The following MAML2 variants were observed in gnomAD, a reference collection of about 807,000 sequenced individuals.
MAML2 encodes mastermind like transcriptional coactivator 2, also known as mastermind-like protein 2.
A neutral mutation model predicts 96.1 loss-of-function variants in MAML2; 22 were observed. That is an observed-to-expected ratio of 0.23 (90% confidence interval 0.16 to 0.33). The LOEUF is 0.33. MAML2 is among the 10% of genes least tolerant of loss of function. MAML2 has a pLI of 1.00. For missense variants in MAML2, 1,367 were observed against 1,392.4 expected, an observed-to-expected ratio of 0.98 and a Z score of 0.29; for synonymous variants, 561 against 521.3, an observed-to-expected ratio of 1.08 and a Z score of -1.04.
rs1290766962 is a variant in MAML2 at position 95,979,667 on chromosome 11, T to C, written c.2752A>G (p.Asn918Asp). ...MPRPPTLGPS[N>D]NNNVATFGAG... ...CCAAAAGTGGCTACATTGTTATTAT[T>C]ACTTGGCCCTAAGGTAGGTGGCCGT... Residue 918 changes from asparagine (N) to aspartate (D), a missense_variant, in exon 5 of 5, where the codon AAT (asparagine) becomes GAT (aspartate). Transcript: ENST00000524717. 6.8e-6 allele frequency: 11 copies of C among 1,613,882 alleles called. No homozygotes were observed. Among genetic ancestry groups the C allele is most frequent in the Admixed American group, 5.0e-5 (3 of 59,990 alleles).
intron 2 of MAML2, among the ~76,000 whole-genome samples, chr11:96,064,340 G>T (rs1195054819): frequency 6.6e-6 from 1 of 152,106 alleles, no homozygotes; most frequent in African/African-American, 2.4e-5. Context: ...TAAGTTCACT[G>T]GTCATGTCTC....
chr11:95,978,850 G>T lies in MAML2; in HGVS notation c.*98C>A. 1.8e-6 allele frequency: 2 copies of T among 1,086,922 alleles called. No homozygotes were observed. The highest frequency in any genetic ancestry group is 2.6e-6 in the Non-Finnish European group (2 of 776,712). The allele number at this position is 1,086,922 out of a possible 1,614,324, so 67.3% of individuals were successfully genotyped here. A position where few individuals can be genotyped will look rare whatever the true frequency, so the allele number is the denominator to read the frequency against. ...CCATTTTTAAGCATGTTATCTTCAT[G>T]TAGTCCACCTGAACATCAACAGTTC... On this transcript the variant is annotated 3_prime_UTR_variant, in exon 5 of 5. Coordinates refer to ENST00000524717, the MANE Select transcript of MAML2 (RefSeq NM_032427.4).
chr11:96,077,217 C>CTTTTT (rs2086943328), intron 2 of MAML2, among the ~76,000 whole-genome samples: 1 of 38,520 alleles, frequency 2.6e-5, no homozygotes, highest in East Asian at 3.3e-4. Context: ...AACTCTCTCT[C>CTTTTT]TCTTTTTTTT....
intron 1 of MAML2, among the ~76,000 whole-genome samples, chr11:96,137,641 G>A (rs1017766477): frequency 1.3e-5 from 2 of 152,248 alleles, no homozygotes; most frequent in South Asian, 4.1e-4. Context: ...TGACCATTCA[G>A]TCTCCATTTT....
intron 1 of MAML2, among the ~76,000 whole-genome samples, chr11:96,244,528 TA>T (rs1273260016): frequency 6.6e-6 from 1 of 152,258 alleles, no homozygotes; most frequent in Non-Finnish European, 1.5e-5. Flanking sequence ...AAATGGTTTA[TA>T]TGGTTATAGC....
intron 1 of MAML2, among the ~76,000 whole-genome samples, chr11:96,144,832 T>G (rs1860790635): frequency 6.6e-6 from 1 of 152,342 alleles, no homozygotes; most frequent in South Asian, 2.1e-4. Context: ...TGTTTCACTC[T>G]TATACAAATC....
At chr11:96,265,351 A>G (rs762075343) in intron 1 of MAML2, among the ~76,000 whole-genome samples, 1 of 152,148 alleles carries the variant, frequency 6.6e-6, no homozygotes, top group Non-Finnish European at 1.5e-5. Flanking sequence ...CAAGTGAATA[A>G]CTAGAATATG....
chr11:96,087,612 C>T (rs1202041327), intron 2 of MAML2, among the ~76,000 whole-genome samples: 1 of 152,216 alleles, frequency 6.6e-6, no homozygotes, highest in East Asian at 1.9e-4. Flanking sequence ...CCCTTGACCG[C>T]AGGTATGTCA....
At chr11:96,232,368 T>C (rs576276423) in intron 1 of MAML2, among the ~76,000 whole-genome samples, 4 of 152,316 alleles carry the variant, frequency 2.6e-5, no homozygotes, top group African/African-American at 9.6e-5. Flanking sequence ...TAAGGATCAC[T>C]GTGGTGGGCA....
chr11:96,191,503 C>T (rs1861653149), intron 1 of MAML2, among the ~76,000 whole-genome samples: 2 of 111,880 alleles, frequency 1.8e-5, no homozygotes, highest in Non-Finnish European at 3.9e-5. Flanking sequence ...GGGCCGGGAG[C>T]GGTGGCTCAG....
chr11:96,221,586 A>G (rs919073416), intron 1 of MAML2, among the ~76,000 whole-genome samples: 14 of 152,048 alleles, frequency 9.2e-5, no homozygotes, highest in Admixed American at 5.9e-4. Flanking sequence ...TGAACCACTT[A>G]AGAAGTTTCA....
chr11:96,242,566 T>C (rs191041307), intron 1 of MAML2, among the ~76,000 whole-genome samples: 132 of 152,348 alleles, frequency 8.7e-4, no homozygotes, highest in African/African-American at 3.0e-3. Flanking sequence ...GTTCCGTTTT[T>C]AAAAACTTTA....
At chr11:96,170,339 A>G (rs1168206883) in intron 1 of MAML2, among the ~76,000 whole-genome samples, 4 of 152,242 alleles carry the variant, frequency 2.6e-5, no homozygotes, top group Admixed American at 2.6e-4. Flanking sequence ...AATTAATCAG[A>G]CACAGATAAT....
intron 1 of MAML2, among the ~76,000 whole-genome samples, chr11:96,248,954 T>C (rs1225437697): frequency 6.6e-6 from 1 of 152,228 alleles, no homozygotes; most frequent in Non-Finnish European, 1.5e-5. Flanking sequence ...ATGATGGGAA[T>C]ATTTCCACAG....
intron 1 of MAML2, among the ~76,000 whole-genome samples, chr11:96,330,463 TAG>T (rs1863838408): frequency 6.6e-6 from 1 of 152,198 alleles, no homozygotes; most frequent in African/African-American, 2.4e-5. Flanking sequence ...GCTAATGAAA[TAG>T]AGTCATTTTC....
At chr11:96,223,344 G>T (rs1376253063) in intron 1 of MAML2, among the ~76,000 whole-genome samples, 1 of 152,106 alleles carries the variant, frequency 6.6e-6, no homozygotes, top group Non-Finnish European at 1.5e-5. Flanking sequence ...TTGACTTCAA[G>T]AATGACAGCT....
chr11:96,221,305 A>T (rs1862133775), intron 1 of MAML2, among the ~76,000 whole-genome samples: 1 of 152,164 alleles, frequency 6.6e-6, no homozygotes, highest in Non-Finnish European at 1.5e-5. Context: ...TCACTTCTTG[A>T]TTAATAACTT....
At position 96,261,757 on chromosome 11, in the gene MAML2, G is replaced by T. The variant is rs114422211; in HGVS notation, c.513+79626C>A. Among the ~76,000 whole-genome samples, 1,510 of 152,256 alleles carry T rather than the reference G, an allele frequency of 9.9e-3. 25 individuals carry two copies. The highest frequency in any genetic ancestry group is 0.033 in the African/African-American group (1,389 of 41,542). ...TCCATATTATTCGTCTATAAAATAA[G>T]GAAGTGTTCAATTCAGTAACTATTT... On this transcript the variant is annotated intron_variant, in intron 1 of 4. Coordinates refer to ENST00000524717, the MANE Select transcript of MAML2 (RefSeq NM_032427.4).
intron 1 of MAML2, among the ~76,000 whole-genome samples, chr11:96,130,906 T>C (rs1191591040): frequency 6.6e-6 from 1 of 152,212 alleles, no homozygotes; most frequent in African/African-American, 2.4e-5. Flanking sequence ...ATTCTTTTTC[T>C]ATGTTAGAAA....
Sources: gnomAD v4.1 joint callset for allele counts (sites outside exome capture counted in the v4.1 genomes callset) on GRCh38, gnomAD v4.1.1 for gene constraint, MANE v1.5 for transcripts, NCBI Gene and HGNC (gene_info 2026-07-23, HGNC 2026-07-21) for gene names.